Variants in ZDHHC3 observed in about 807,000 individuals in gnomAD.
ZDHHC3 encodes palmitoyltransferase ZDHHC3.
ZDHHC3 carries 9 observed loss-of-function variants against 30.6 expected under a neutral mutation model. The ratio of observed to expected loss-of-function variants is 0.29; its 90% CI spans 0.18 to 0.51. ZDHHC3 has a LOEUF of 0.51. Among genes scored for constraint, ZDHHC3 ranks in the 20% least tolerant of loss-of-function variants. The pLI, the probability that ZDHHC3 is intolerant of heterozygous loss-of-function variation, is 0.97. For missense variants in ZDHHC3, 246 were observed against 384.2 expected (o/e 0.64, Z 3.01); for synonymous variants, 136 against 140.2 (o/e 0.97, Z 0.21).
rs1464838249 is a variant in ZDHHC3 at position 44,925,224 on chromosome 3, T to C, written c.*1465A>G. On this transcript the variant is annotated 3_prime_UTR_variant, in exon 7 of 7. Coordinates refer to ENST00000424952, the MANE Select transcript of ZDHHC3 (RefSeq NM_001135179.2). ...TTTCCATGTGGAAGCACTGACAGAA[T>C]TGAAAAGTGGCAGCATGTTCCACTT... The C allele has an allele frequency of 2.2e-5, 22 of 985,724 alleles. No individual in the cohort carries two copies. The highest frequency in any genetic ancestry group is 2.4e-5 in the Non-Finnish European group (20 of 829,946). 61.1% of individuals were successfully genotyped at this position (985,724 alleles called of 1,614,324 possible).
At chr3:44,969,380 C>T (rs963290199) in intron 1 of ZDHHC3, among the ~76,000 whole-genome samples, 1 of 152,116 alleles carries the variant, frequency 6.6e-6, no homozygotes, top group East Asian at 1.9e-4. Context: ...CTCTATTTTG[C>T]ACATATAAAT....
chr3:44,920,823 T>G lies in ZDHHC3; in HGVS notation c.*5866A>C. 1.0e-5 allele frequency: 10 copies of G among 985,458 alleles called. No individual in the cohort carries two copies. The highest frequency in any genetic ancestry group is 1.2e-5 in the Non-Finnish European group (10 of 829,932). The allele number at this position is 985,458 out of a possible 1,614,324, so 61.0% of individuals were successfully genotyped here. ...AAAGTATTCCAGACAGAGCCTGGCCTGTCTACCAGAGGTCTTCAGCAGTAA... is the reference window on the plus strand; with the variant it reads ...AAAGTATTCCAGACAGAGCCTGGCCGGTCTACCAGAGGTCTTCAGCAGTAA... On this transcript the variant is annotated 3_prime_UTR_variant, in exon 7 of 7. Coordinates refer to ENST00000424952, the MANE Select transcript of ZDHHC3 (RefSeq NM_001135179.2).
At position 44,921,905 on chromosome 3, in the gene ZDHHC3, T is replaced by G; in HGVS notation, c.*4784A>C. 2 of 985,404 alleles carry G rather than the reference T, an allele frequency of 2.0e-6. No homozygotes were observed. Among genetic ancestry groups the G allele is most frequent in the South Asian group, 9.4e-5 (2 of 21,290 alleles). The allele number at this position is 985,404 out of a possible 1,614,324, so 61.0% of individuals were successfully genotyped here. ...TCCGTGTTAGAGCATGTGCGGCCCC[T>G]AGAAGGCTTTTAGCGAACGTCCCTC... On this transcript the variant is annotated 3_prime_UTR_variant, in exon 7 of 7. Coordinates refer to ENST00000424952, the MANE Select transcript of ZDHHC3 (RefSeq NM_001135179.2).
At position 44,921,444 on chromosome 3, in the gene ZDHHC3, T is replaced by C. The variant is rs1023586467; in HGVS notation, c.*5245A>G. Reference sequence around the variant, plus strand: ...ACCCACAAGAGGAAACATTTTTCTGTTGCATTCCAGAACACATATACACAC... The same window carrying C: ...ACCCACAAGAGGAAACATTTTTCTGCTGCATTCCAGAACACATATACACAC... On this transcript the variant is annotated 3_prime_UTR_variant, in exon 7 of 7. Transcript: ENST00000424952. 1.6e-5 allele frequency: 16 copies of C among 985,332 alleles called. No homozygotes were observed. The highest frequency in any genetic ancestry group is 5.2e-4 in the Middle Eastern group (1 of 1,936). 61.0% of individuals were successfully genotyped at this position (985,332 alleles called of 1,614,324 possible).
intron 2 of ZDHHC3, among the ~76,000 whole-genome samples, chr3:44,957,111 C>G (rs1704019204): frequency 6.6e-6 from 1 of 152,166 alleles, no homozygotes; most frequent in South Asian, 2.1e-4. Context: ...CAAAAGGCAC[C>G]ACCTCAGAGA....
intron 6 of ZDHHC3, among the ~76,000 whole-genome samples, chr3:44,927,222 C>G (rs1221859919): frequency 1.3e-5 from 2 of 152,196 alleles, no homozygotes; most frequent in Non-Finnish European, 2.9e-5. Flanking sequence ...GGATGGAGTA[C>G]TATGAAGGCT....
chr3:44,951,169 C>T (rs978400134), intron 2 of ZDHHC3, among the ~76,000 whole-genome samples: 10 of 152,174 alleles, frequency 6.6e-5, no homozygotes, highest in African/African-American at 2.4e-4. Context: ...TCTATAGGCT[C>T]ATAAAAAGCA....
chr3:44,923,065 C>T lies in ZDHHC3; in HGVS notation c.*3624G>A. ...TTCTGTGTAATGCCAACCTCACATA[C>T]ATGTTTAAAATGTTTGTTTTTTTTT... On this transcript the variant is annotated 3_prime_UTR_variant, in exon 7 of 7. Coordinates refer to ENST00000424952, the MANE Select transcript of ZDHHC3 (RefSeq NM_001135179.2). 1.0e-6 allele frequency: 1 copy of T among 977,804 alleles called. No individual in the cohort carries two copies. Among genetic ancestry groups the T allele is most frequent in the South Asian group, 4.8e-5 (1 of 20,728 alleles). 60.6% of individuals were successfully genotyped at this position (977,804 alleles called of 1,614,324 possible). A position where few individuals can be genotyped will look rare whatever the true frequency, so the allele number is the denominator to read the frequency against.
chr3:44,970,144 T>TA, intron 1 of ZDHHC3, among the ~76,000 whole-genome samples: 1 of 152,312 alleles, frequency 6.6e-6, no homozygotes, highest in African/African-American at 2.4e-5. Context: ...TACTAGGGCC[T>TA]AAAAAGGGGA....
intron 1 of ZDHHC3, among the ~76,000 whole-genome samples, chr3:44,972,315 T>C (rs1458520493): frequency 6.6e-6 from 1 of 152,092 alleles, no homozygotes; most frequent in African/African-American, 2.4e-5. Context: ...ATACAAAAAT[T>C]AGCCGGGAGT....
chr3:44,964,687 A>T (rs758305201), intron 1 of ZDHHC3, among the ~76,000 whole-genome samples: 2 of 152,188 alleles, frequency 1.3e-5, no homozygotes, highest in Non-Finnish European at 2.9e-5. Flanking sequence ...AGAGGCCGAC[A>T]AGTCCAGGGA....
At position 44,918,434 on chromosome 3, in the gene ZDHHC3, C is replaced by T; in HGVS notation, c.*8255G>A. 2.0e-6 allele frequency: 2 copies of T among 985,394 alleles called. No individual in the cohort carries two copies. Among genetic ancestry groups the T allele is most frequent in the Middle Eastern group, 5.2e-4 (1 of 1,914 alleles). The allele number at this position is 985,394 out of a possible 1,614,324, so 61.0% of individuals were successfully genotyped here. ...CACCACCCAGCCCTCCCCTTCTTTC[C>T]TTCCACAAGTGCAATGCCAGATGAT... On this transcript the variant is annotated 3_prime_UTR_variant, in exon 7 of 7. Transcript: ENST00000424952.
chr3:44,921,820 C>G lies in ZDHHC3; in HGVS notation c.*4869G>C. 2.0e-6 allele frequency: 2 copies of G among 985,384 alleles called. No individual in the cohort carries two copies. Among genetic ancestry groups the G allele is most frequent in the Non-Finnish European group, 2.4e-6 (2 of 829,904 alleles). 61.0% of individuals were successfully genotyped at this position (985,384 alleles called of 1,614,324 possible). Reference sequence around the variant, plus strand: ...TTCAACCAAAGACTGAAGCCAGGACCCAAATACTTGGTCACCAGACTATAT... The same window carrying G: ...TTCAACCAAAGACTGAAGCCAGGACGCAAATACTTGGTCACCAGACTATAT... On this transcript the variant is annotated 3_prime_UTR_variant, in exon 7 of 7. Transcript: ENST00000424952.
intron 2 of ZDHHC3, among the ~76,000 whole-genome samples, chr3:44,956,290 C>A (rs17077076): frequency 0.024 from 3,676 of 152,318 alleles, 158 homozygotes; most frequent in African/African-American, 0.081. Context: ...GATCCTCCAT[C>A]AGCTCCAGAC....
At chr3:44,942,566 G>T (rs1309649092) in intron 3 of ZDHHC3, among the ~76,000 whole-genome samples, 1 of 152,182 alleles carries the variant, frequency 6.6e-6, no homozygotes, top group Non-Finnish European at 1.5e-5. Context: ...GAAGAGAAAA[G>T]AATCACCAAA....
chr3:44,922,364 T>G lies in ZDHHC3; in HGVS notation c.*4325A>C, dbSNP rs1373715621. 1.2e-5 allele frequency: 12 copies of G among 985,290 alleles called. No individual in the cohort carries two copies. The highest frequency in any genetic ancestry group is 1.7e-5 in the African/African-American group (1 of 57,228). The allele number at this position is 985,290 out of a possible 1,614,324, so 61.0% of individuals were successfully genotyped here. A position where few individuals can be genotyped will look rare whatever the true frequency, so the allele number is the denominator to read the frequency against. ...TTCTCTTTCCCTTCCGGGCTGCTTC[T>G]TCACCCAAAGGGCCCTTGGTCTAGA... On this transcript the variant is annotated 3_prime_UTR_variant, in exon 7 of 7. Coordinates refer to ENST00000424952, the MANE Select transcript of ZDHHC3 (RefSeq NM_001135179.2).
intron 3 of ZDHHC3, among the ~76,000 whole-genome samples, chr3:44,934,351 A>G (rs985624210): frequency 1.3e-5 from 2 of 152,016 alleles, no homozygotes; most frequent in Admixed American, 1.3e-4. Flanking sequence ...CAAGTGGGCT[A>G]AGATTTGGAG....
chr3:44,928,896 G>C (rs1701234630), intron 6 of ZDHHC3, among the ~76,000 whole-genome samples: 1 of 152,178 alleles, frequency 6.6e-6, no homozygotes, highest in Non-Finnish European at 1.5e-5. Flanking sequence ...CTGGCAAGCT[G>C]ACCTGCCTGT....
At chr3:44,944,039 C>A (rs1702679846) in intron 3 of ZDHHC3, among the ~76,000 whole-genome samples, 1 of 152,072 alleles carries the variant, frequency 6.6e-6, no homozygotes, top group Admixed American at 6.5e-5. Flanking sequence ...TGCAGTGGTG[C>A]AACCTTGGCT....
Sources: gnomAD v4.1 joint callset for allele counts (sites outside exome capture counted in the v4.1 genomes callset) on GRCh38, gnomAD v4.1.1 for gene constraint, MANE v1.5 for transcripts, NCBI Gene and HGNC (gene_info 2026-07-23, HGNC 2026-07-21) for gene names.